NUP210L: variants seen among roughly 807,000 people sequenced by gnomAD.
The protein encoded by NUP210L is nuclear pore membrane glycoprotein 210-like.
In NUP210L, 74 loss-of-function variants were observed where a neutral mutation model predicts 208.5. That is an observed-to-expected ratio of 0.35 (90% CI 0.29 to 0.43). The LOEUF (loss-of-function observed/expected upper bound fraction) is 0.43, where lower values mean the gene tolerates loss of function less well. NUP210L is among the 20% of genes least tolerant of loss of function. The pLI is 1.00. For synonymous variants in NUP210L, 780 were observed against 816.9 expected, an observed-to-expected ratio of 0.95 and a Z score of 0.77; for missense variants, 1,843 against 2,289.4, an observed-to-expected ratio of 0.81 and a Z score of 3.98.
At chr1:154,140,405 G>A (rs545476850) in intron 4 of NUP210L, among the ~76,000 whole-genome samples, 5 of 149,642 alleles carry the variant, frequency 3.3e-5, no homozygotes, top group South Asian at 4.2e-4. Context: ...AGTGGCTCAC[G>A]CCTATAATCC....
chr1:154,013,928 C>T (rs887069971), intron 33 of NUP210L, among the ~76,000 whole-genome samples: 3 of 151,996 alleles, frequency 2.0e-5, no homozygotes, highest in Non-Finnish European at 2.9e-5. Context: ...CCATGCCTGG[C>T]TGATTTTTGT....
At chr1:154,022,675 C>CTT (rs375659718) in intron 31 of NUP210L, among the ~76,000 whole-genome samples, 26 of 114,986 alleles carry the variant, frequency 2.3e-4, no homozygotes, top group African/African-American at 3.2e-4. Flanking sequence ...TAAGTCTGGT[C>CTT]TTTTTTTTTT....
intron 27 of NUP210L, among the ~76,000 whole-genome samples, chr1:154,037,942 C>G (rs1012861591): frequency 1.3e-5 from 2 of 151,798 alleles, no homozygotes; most frequent in Non-Finnish European, 2.9e-5. Context: ...TAAATTGGAG[C>G]ATTTAGTCCA....
intron 38 of NUP210L, among the ~76,000 whole-genome samples, 193 bp downstream of exon 38, chr1:153,994,883 G>T (rs1031313419): frequency 6.6e-6 from 1 of 151,610 alleles, no homozygotes; most frequent in Non-Finnish European, 1.5e-5. Flanking sequence ...GCAGTGGCCG[G>T]CGCCTGTAAT....
At chr1:154,011,223 ATT>A (rs752847076) in intron 34 of NUP210L, among the ~76,000 whole-genome samples, 25 of 139,054 alleles carry the variant, frequency 1.8e-4, no homozygotes, top group Admixed American at 2.2e-4. Context: ...CGGTGGCTAG[ATT>A]TTTTTTTTTT....
chr1:154,111,919 C>CT (rs201752089), intron 12 of NUP210L, among the ~76,000 whole-genome samples: 36 of 150,558 alleles, frequency 2.4e-4, no homozygotes, highest in Non-Finnish European at 3.1e-4. Flanking sequence ...TTCAACAACA[C>CT]TTTTTTTTTG....
chr1:154,084,814 G>A (rs1655539695), intron 16 of NUP210L, among the ~76,000 whole-genome samples: 4 of 150,316 alleles, frequency 2.7e-5, no homozygotes, highest in Admixed American at 2.7e-4. Context: ...GCTGGGGTTG[G>A]GGGGAGGATT....
intron 2 of NUP210L, among the ~76,000 whole-genome samples, chr1:154,145,430 T>A (rs1337131583): frequency 3.3e-5 from 5 of 151,242 alleles, no homozygotes. Flanking sequence ...AAAAAAAAAA[T>A]TAAACATTGA....
intron 35 of NUP210L, among the ~76,000 whole-genome samples, chr1:154,004,372 T>C (rs1186878683): frequency 6.6e-6 from 1 of 150,706 alleles, no homozygotes; most frequent in African/African-American, 2.4e-5. Context: ...CCCGGCCTTC[T>C]TTTTTTTTCT....
intron 16 of NUP210L, among the ~76,000 whole-genome samples, chr1:154,075,216 G>A (rs1571241707): frequency 6.6e-6 from 1 of 152,116 alleles, no homozygotes; most frequent in South Asian, 2.1e-4. Context: ...TCAGTGAACA[G>A]AGCTTGTAAA....
intron 29 of NUP210L, among the ~76,000 whole-genome samples, chr1:154,026,081 A>T (rs1385196486): frequency 6.6e-6 from 1 of 151,246 alleles, no homozygotes; most frequent in African/African-American, 2.4e-5. Flanking sequence ...AAAAAAAAAA[A>T]ATTTTTAGCT....
chr1:154,134,734 CAAAAAAA>C lies in NUP210L; in HGVS notation c.1009+1073_1009+1079del, dbSNP rs67813355. The stretch of plus-strand genomic sequence containing the variant: ...CCTGGGCGACAGCGAGACTCCGTCT[CAAAAAAA>C]AAAAAAAAAAAAAGATGGAGTTTTG... On this transcript the variant is annotated intron_variant, in intron 7 of 39. Transcript: ENST00000368559. Among the ~76,000 whole-genome samples, 450 of 67,322 alleles carry C rather than the reference CAAAAAAA, an allele frequency of 6.7e-3. 4 individuals carry two copies. Among genetic ancestry groups the C allele is most frequent in the African/African-American group, 0.011 (163 of 15,510 alleles). The allele number at this position is 67,322 out of a possible 152,430, so 44.2% of individuals were successfully genotyped here.
chr1:154,121,470 C>T (rs1657612858), intron 10 of NUP210L, among the ~76,000 whole-genome samples: 1 of 152,098 alleles, frequency 6.6e-6, no homozygotes, highest in Non-Finnish European at 1.5e-5. Context: ...TATACATTGT[C>T]TTAGGATTGG....
At position 154,087,339 on chromosome 1, in the gene NUP210L, A is replaced by AG. The variant is rs139494385; in HGVS notation, c.2361+2081dup. 2.2e-3 allele frequency among the ~76,000 whole-genome samples: 333 copies of AG among 148,950 alleles called. 2 individuals are homozygous for AG. The highest frequency in any genetic ancestry group is 3.4e-3 in the African/African-American group (136 of 40,430). ...CCATCTCAAAAAAAAAAAAAAAAAA[A>AG]GGGGCAACATAATTAGACAGTGGAA... is the stretch of plus-strand genomic sequence containing the variant. On this transcript the variant is annotated intron_variant, in intron 16 of 39. Coordinates refer to ENST00000368559, the Ensembl canonical transcript of NUP210L.
At chr1:154,034,186 C>T (rs1444741449) in intron 27 of NUP210L, among the ~76,000 whole-genome samples, 1 of 152,090 alleles carries the variant, frequency 6.6e-6, no homozygotes, top group Non-Finnish European at 1.5e-5. Flanking sequence ...CAGGGTAATA[C>T]TGGCCTCATA....
At chr1:154,009,876 T>C (rs1650803067) in intron 35 of NUP210L, 96 bp downstream of exon 35, 2 of 989,400 alleles carry the variant, frequency 2.0e-6, no homozygotes, top group Non-Finnish European at 2.9e-6. Context: ...ATATATCAGA[T>C]GAAACTACAG....
chr1:154,059,768 A>G (rs1654043448), intron 20 of NUP210L, among the ~76,000 whole-genome samples: 1 of 152,140 alleles, frequency 6.6e-6, no homozygotes, highest in South Asian at 2.1e-4. Context: ...TTTAAAACAT[A>G]TATTATGACT....
intron 22 of NUP210L, 86 bp from the exon 23 acceptor site, chr1:154,057,033 C>A: frequency 7.4e-7 from 1 of 1,353,394 alleles, no homozygotes; most frequent in Non-Finnish European, 1.0e-6. Context: ...GGCTGGAGTG[C>A]AGTGGCATGA....
At chr1:154,025,674 G>A (rs1367308905) in exon 30 of NUP210L, 2 of 1,613,828 alleles carry the variant, frequency 1.2e-6, no homozygotes, top group African/African-American at 2.7e-5. Context: ...ATGAATTAGG[G>A]AAACACTTGA....
Sources: gnomAD v4.1 joint callset for allele counts (sites outside exome capture counted in the v4.1 genomes callset) on GRCh38, gnomAD v4.1.1 for gene constraint, MANE v1.5 for transcripts, NCBI Gene and HGNC (gene_info 2026-07-23, HGNC 2026-07-21) for gene names.